QRFPR: variants seen among roughly 807,000 people sequenced by gnomAD.
QRFPR encodes the protein pyroglutamylated RFamide peptide receptor, also known as pyroglutamylated RF-amide peptide receptor.
QRFPR carries 37 observed loss-of-function variants against 31.3 expected under a neutral mutation model. The ratio of observed to expected loss-of-function variants is 1.18; its 90% CI spans 0.91 to 1.56. The LOEUF is 1.56. QRFPR is among the 40% of genes most tolerant of loss of function. QRFPR has a pLI of 0.00. For missense variants in QRFPR, 542 were observed against 532.5 expected, an observed-to-expected ratio of 1.02 and a Z score of -0.18; for synonymous variants, 197 against 192.0, an observed-to-expected ratio of 1.03 and a Z score of -0.22.
intron 1 of QRFPR, among the ~76,000 whole-genome samples, chr4:121,355,511 T>C (rs1335906663): frequency 1.3e-5 from 2 of 152,104 alleles, no homozygotes; most frequent in Admixed American, 1.3e-4. Flanking sequence ...AGAAAACAAC[T>C]TTTCCTTTCA....
intron 1 of QRFPR, among the ~76,000 whole-genome samples, chr4:121,368,709 G>A (rs1293459527): frequency 3.7e-5 from 5 of 135,530 alleles, no homozygotes; most frequent in South Asian, 2.2e-4. Flanking sequence ...GGCCAGAGTC[G>A]TCTCAGCCAG....
chr4:121,360,301 A>T (rs1470348325), intron 1 of QRFPR, among the ~76,000 whole-genome samples: 1 of 152,202 alleles, frequency 6.6e-6, no homozygotes, highest in Admixed American at 6.5e-5. Context: ...ATGGATAAAA[A>T]CTTAGTACTT....
rs150004909 is a variant in QRFPR at position 121,349,663 on chromosome 4, G to A, written c.341-9053C>T. Among the ~76,000 whole-genome samples the A allele has an allele frequency of 1.9e-3, 284 of 152,074 alleles. 3 individuals are homozygous for A. The highest frequency in any genetic ancestry group is 4.4e-3 in the Admixed American group (67 of 15,278). On this transcript the variant is annotated intron_variant, in intron 1 of 5. Coordinates refer to ENST00000394427, the MANE Select transcript of QRFPR (RefSeq NM_198179.3). ...TATGTGGAAATGTGCCCTCGTCACCGATTTCCTATTGTTTAAAAGGCCAAA... is the reference window on the plus strand; with the variant it reads ...TATGTGGAAATGTGCCCTCGTCACCAATTTCCTATTGTTTAAAAGGCCAAA...
At chr4:121,338,782 CCTT>C (rs759499749) in intron 2 of QRFPR, among the ~76,000 whole-genome samples, 26 of 152,182 alleles carry the variant, frequency 1.7e-4, no homozygotes, top group Non-Finnish European at 7.3e-5. Flanking sequence ...GATTTTAAAA[CCTT>C]CTTGTTTCCT....
intron 1 of QRFPR, among the ~76,000 whole-genome samples, chr4:121,361,243 A>G (rs1725985781): frequency 6.7e-6 from 1 of 150,106 alleles, no homozygotes; most frequent in African/African-American, 2.5e-5. Context: ...CACTCATTCA[A>G]TTTGAATCAG....
chr4:121,377,480 A>T (rs1024079195), intron 1 of QRFPR, among the ~76,000 whole-genome samples: 1 of 151,324 alleles, frequency 6.6e-6, no homozygotes, highest in Non-Finnish European at 1.5e-5. Context: ...CCCACATATA[A>T]CCTGTGCATT....
intron 1 of QRFPR, among the ~76,000 whole-genome samples, chr4:121,352,857 C>T (rs1294841562): frequency 2.6e-5 from 4 of 152,122 alleles, no homozygotes; most frequent in Middle Eastern, 3.4e-3. Context: ...TAACCATCCC[C>T]TCTTCACTAC....
Position 121,330,509 on chromosome 4 carries a change from G to T in QRFPR, c.812C>A (p.Ala271Asp), listed in dbSNP as rs763912459. The T allele has an allele frequency of 1.2e-6, 2 of 1,613,668 alleles. No homozygotes were observed. Among genetic ancestry groups the T allele is most frequent in the Non-Finnish European group, 1.7e-6 (2 of 1,179,610 alleles). Residue 271 changes from alanine to aspartate, a missense_variant, in exon 5 of 6, where the codon GCT (alanine) becomes GAT (aspartate). Ala to Asp is a moderately radical substitution (Grantham distance 126). Coordinates refer to ENST00000394427, the MANE Select transcript of QRFPR (RefSeq NM_198179.3). Reference protein sequence around the residue: ...MSKIARKKKRAVIMMVTVVAL... With the variant: ...MSKIARKKKRDVIMMVTVVAL... ...CACCACTGTCACCATCATAATGACA[G>T]CTCGTTTCTTCTTCCTAAACCCACA...
intron 1 of QRFPR, among the ~76,000 whole-genome samples, chr4:121,347,569 T>G (rs1725678785): frequency 6.6e-6 from 1 of 152,116 alleles, no homozygotes; most frequent in South Asian, 2.1e-4. Flanking sequence ...TTTCTTCTAC[T>G]TTGACGCTTA....
At chr4:121,373,390 G>T (rs932823551) in intron 1 of QRFPR, among the ~76,000 whole-genome samples, 1 of 152,168 alleles carries the variant, frequency 6.6e-6, no homozygotes, top group African/African-American at 2.4e-5. Flanking sequence ...TTGATTCTAG[G>T]AAAGATCAAC....
At chr4:121,368,249 A>AG (rs1726164392) in intron 1 of QRFPR, among the ~76,000 whole-genome samples, 1 of 150,152 alleles carries the variant, frequency 6.7e-6, no homozygotes, top group East Asian at 2.0e-4. Context: ...GACCTGAACA[A>AG]GGAAATCAAA....
intron 1 of QRFPR, among the ~76,000 whole-genome samples, chr4:121,345,770 A>G (rs1481785705): frequency 1.3e-5 from 2 of 152,234 alleles, no homozygotes; most frequent in Non-Finnish European, 2.9e-5. Context: ...CACTGAGAAC[A>G]GTGTTCACTC....
intron 1 of QRFPR, among the ~76,000 whole-genome samples, chr4:121,364,108 G>A (rs17051344): frequency 0.085 from 12,685 of 149,884 alleles, 1,230 homozygotes; most frequent in Non-Finnish European, 0.11. Context: ...GAGGGAGCTT[G>A]AGGTCCTGCG....
chr4:121,346,342 C>T (rs560094159), intron 1 of QRFPR, among the ~76,000 whole-genome samples: 3 of 152,334 alleles, frequency 2.0e-5, no homozygotes, highest in South Asian at 2.1e-4. Context: ...CAGCACTTCC[C>T]TGCCCCTCTT....
At chr4:121,335,697 C>A (rs538080259) in intron 3 of QRFPR, among the ~76,000 whole-genome samples, 1 of 151,994 alleles carries the variant, frequency 6.6e-6, no homozygotes, top group Non-Finnish European at 1.5e-5. Flanking sequence ...ACTATTCACA[C>A]TGAGGGAAGG....
intron 1 of QRFPR, among the ~76,000 whole-genome samples, chr4:121,366,185 C>T (rs1286368111): frequency 1.3e-5 from 2 of 149,760 alleles, no homozygotes; most frequent in East Asian, 2.0e-4. Flanking sequence ...GGTTAAAAAC[C>T]CAACACTGAA....
In QRFPR at chr4:121,373,352, ATCTTT is replaced by A. The variant is rs1726288986; in HGVS notation, c.340+6951_340+6955del. Among the ~76,000 whole-genome samples the A allele has an allele frequency of 2.0e-5, 3 of 152,354 alleles. No individual in the cohort carries two copies. In the South Asian group the frequency reaches 6.2e-4, roughly 32 times the overall value. On this transcript the variant is annotated intron_variant, in intron 1 of 5. Transcript: ENST00000394427. ...CCAAAAAAATTTAGTGACCTACAGC[ATCTTT>A]TCTTCTCAAAGTGTGCACGTAATTG... is the stretch of plus-strand genomic sequence containing the variant.
chr4:121,357,858 CA>C (rs1359975396), intron 1 of QRFPR, among the ~76,000 whole-genome samples: 2 of 152,142 alleles, frequency 1.3e-5, no homozygotes, highest in African/African-American at 4.8e-5. Context: ...TAAGGGGCTT[CA>C]GGGGGAGAGG....
At chr4:121,370,993 A>G (rs1726232162) in intron 1 of QRFPR, among the ~76,000 whole-genome samples, 2 of 152,214 alleles carry the variant, frequency 1.3e-5, no homozygotes, top group African/African-American at 4.8e-5. Context: ...CTTTAATGCC[A>G]GGCCATGTAA....
Sources: allele counts gnomAD v4.1 joint callset (sites outside exome capture counted in the v4.1 genomes callset), GRCh38; gene constraint gnomAD v4.1.1; transcripts MANE v1.5; gene names NCBI Gene and HGNC (gene_info 2026-07-23, HGNC 2026-07-21).